GVQW3: variants seen among roughly 807,000 people sequenced by gnomAD.
GVQW3 encodes GVQW motif containing 3.
GVQW3 carries 7 observed loss-of-function variants against 12.5 expected under a neutral mutation model. That is an observed-to-expected ratio of 0.56 (90% CI 0.32 to 1.05). GVQW3 has a LOEUF of 1.05. GVQW3 is among the 50% of genes least tolerant of loss of function. GVQW3 has a pLI of 0.04. For missense variants in GVQW3, 188 were observed against 190.8 expected (o/e 0.99, Z 0.09); for synonymous variants, 71 against 67.2 (o/e 1.06, Z -0.28).
At chr11:76,394,081 TAG>T (rs770466431) in intron 1 of GVQW3, among the ~76,000 whole-genome samples, 4 of 152,112 alleles carry the variant, frequency 2.6e-5, no homozygotes, top group Non-Finnish European at 5.9e-5. Flanking sequence ...GTGTTTTTAG[TAG>T]AGACAAGGTT....
chr11:76,387,556 G>A (rs1946847808), intron 1 of GVQW3, among the ~76,000 whole-genome samples: 2 of 152,146 alleles, frequency 1.3e-5, no homozygotes, highest in Non-Finnish European at 2.9e-5. Context: ...ATATAAAAAT[G>A]ACAGATGATT....
In GVQW3 at chr11:76,381,754, C is replaced by T. The variant is rs1340945620; in HGVS notation, c.-75C>T. ...GAGCGATATGATTACACCTGCAGCCCTATAAAGATTGATCTGTCCGTCTTT... is the reference window on the plus strand; with the variant it reads ...GAGCGATATGATTACACCTGCAGCCTTATAAAGATTGATCTGTCCGTCTTT... On this transcript the variant is annotated 5_prime_UTR_variant, in exon 1 of 2. Coordinates refer to ENST00000529331, the MANE Select transcript of GVQW3 (RefSeq NM_001347885.2). 3.9e-6 allele frequency: 5 copies of T among 1,292,438 alleles called. No homozygotes were observed. Among genetic ancestry groups the T allele is most frequent in the Admixed American group, 2.8e-5 (1 of 36,080 alleles). 80.1% of individuals were successfully genotyped at this position (1,292,438 alleles called of 1,614,324 possible).
At chr11:76,389,808 T>C (rs1358358382) in intron 1 of GVQW3, 1 of 152,230 alleles carries the variant, frequency 6.6e-6, no homozygotes, top group Non-Finnish European at 1.5e-5. Context: ...TGGCTTTCGA[T>C]GTGCCAAGTC....
chr11:76,392,852 A>G (rs1946905972), intron 1 of GVQW3: 1 of 152,168 alleles, frequency 6.6e-6, no homozygotes, highest in South Asian at 2.1e-4. Flanking sequence ...AATATTTCTC[A>G]TACACGTTTT....
chr11:76,401,065 G>GTTTCAAA (rs1422646484), intron 1 of GVQW3, among the ~76,000 whole-genome samples: 2 of 149,640 alleles, frequency 1.3e-5, no homozygotes, highest in Middle Eastern at 3.3e-3. Context: ...TTGAGACAGG[G>GTTTCAAA]TTTCACTATG....
intron 1 of GVQW3, among the ~76,000 whole-genome samples, chr11:76,393,127 G>A (rs1368602563): frequency 6.6e-6 from 1 of 152,138 alleles, no homozygotes; most frequent in African/African-American, 2.4e-5. Context: ...GAAGCCCAAG[G>A]AAAAGGGAAG....
At position 76,407,617 on chromosome 11, in the gene GVQW3, T is replaced by C. The variant is rs1156364539; in HGVS notation, c.*3859T>C. On this transcript the variant is annotated 3_prime_UTR_variant, in exon 2 of 2. Coordinates refer to ENST00000529331, the MANE Select transcript of GVQW3 (RefSeq NM_001347885.2). ...AAAAAAAAAAAAGAATTTAAGCCAGTTGACCTAGGAATCTTCTAGGACGAT... is the reference window on the plus strand; with the variant it reads ...AAAAAAAAAAAAGAATTTAAGCCAGCTGACCTAGGAATCTTCTAGGACGAT... 8 of 149,956 alleles carry C rather than the reference T, an allele frequency of 5.3e-5. No individual in the cohort carries two copies. 9.3% of individuals were successfully genotyped at this position (149,956 alleles called of 1,614,324 possible). A position where few individuals can be genotyped will look rare whatever the true frequency, so the allele number is the denominator to read the frequency against.
intron 1 of GVQW3, among the ~76,000 whole-genome samples, chr11:76,394,395 C>T (rs1165123459): frequency 1.3e-5 from 2 of 151,130 alleles, no homozygotes; most frequent in East Asian, 3.9e-4. Flanking sequence ...TCCATAAGTT[C>T]ATTTATTTTA....
chr11:76,381,736 A>G lies in GVQW3; in HGVS notation c.-93A>G. The G allele has an allele frequency of 8.7e-7, 1 of 1,146,744 alleles. No individual in the cohort carries two copies. The highest frequency in any genetic ancestry group is 1.2e-6 in the Non-Finnish European group (1 of 842,866). 71.0% of individuals were successfully genotyped at this position (1,146,744 alleles called of 1,614,324 possible). On this transcript the variant is annotated 5_prime_UTR_variant, in exon 1 of 2. It adds an upstream start codon to the 5' untranslated region. Transcript: ENST00000529331. ...CTTCTAGAAGAGCAAGAAGAGCGAT[A>G]TGATTACACCTGCAGCCCTATAAAG... is the stretch of plus-strand genomic sequence containing the variant.
chr11:76,411,322 C>T (rs769656082), downstream of GVQW3: 1 of 152,336 alleles, frequency 6.6e-6, no homozygotes, highest in Non-Finnish European at 1.5e-5. Flanking sequence ...AGGCCTCTAG[C>T]GTTGGAGCTG....
At chr11:76,385,046 A>G (rs1946818578) in intron 1 of GVQW3, among the ~76,000 whole-genome samples, 1 of 152,178 alleles carries the variant, frequency 6.6e-6, no homozygotes, top group Non-Finnish European at 1.5e-5. Context: ...TTCCAGTCCT[A>G]TGAACAGGGC....
chr11:76,398,484 T>C (rs1315098014), intron 1 of GVQW3, among the ~76,000 whole-genome samples: 1 of 151,980 alleles, frequency 6.6e-6, no homozygotes, highest in African/African-American at 2.4e-5. Flanking sequence ...GCTAATTTTT[T>C]GTATTTTTAG....
At chr11:76,382,578 C>T in intron 1 of GVQW3, 1 of 589,806 alleles carries the variant, frequency 1.7e-6, no homozygotes. Context: ...CATGGCCCTC[C>T]TCATTACTCT....
At chr11:76,403,564 G>A (rs1209249593) in intron 1 of GVQW3, 96 bp from the exon 2 acceptor site, 2 of 419,124 alleles carry the variant, frequency 4.8e-6, no homozygotes, top group East Asian at 7.0e-5. Context: ...TGCATTCCTG[G>A]GCTCAAGCAG....
chr11:76,393,582 T>C, intron 1 of GVQW3, among the ~76,000 whole-genome samples: 1 of 152,134 alleles, frequency 6.6e-6, no homozygotes, highest in East Asian at 1.9e-4. Flanking sequence ...TCTGCTGCCA[T>C]CCACCTGGGA....
chr11:76,394,713 G>A (rs1946924009), intron 1 of GVQW3, among the ~76,000 whole-genome samples: 1 of 152,142 alleles, frequency 6.6e-6, no homozygotes, highest in African/African-American at 2.4e-5. Context: ...ACCTAACAAT[G>A]GGATTGCTAG....
intron 1 of GVQW3, chr11:76,392,829 G>A (rs952629829): frequency 2.0e-5 from 3 of 152,152 alleles, no homozygotes; most frequent in Non-Finnish European, 4.4e-5. Context: ...AGTGTGTTAT[G>A]TTTTGTGTTT....
At chr11:76,413,097 GA>G (rs1947092613), downstream of GVQW3, 1 of 152,192 alleles carries the variant, frequency 6.6e-6, no homozygotes, top group African/African-American at 2.4e-5. Context: ...AGAGAAAGAG[GA>G]AAGAGAGCAT....
downstream of GVQW3, chr11:76,412,328 C>T (rs2134573697): frequency 6.6e-6 from 1 of 152,258 alleles, no homozygotes; most frequent in East Asian, 1.9e-4. Flanking sequence ...GATTCATTCC[C>T]CAAAAGGAGA....
Sources: allele counts gnomAD v4.1 joint callset (sites outside exome capture counted in the v4.1 genomes callset), GRCh38; gene constraint gnomAD v4.1.1; transcripts MANE v1.5; gene names NCBI Gene and HGNC (gene_info 2026-07-23, HGNC 2026-07-21).